Variants in MROH7 observed in about 807,000 individuals in gnomAD.
MROH7 encodes the protein maestro heat like repeat family member 7, also known as maestro heat-like repeat-containing protein family member 7.
Under a neutral mutation model 129.2 loss-of-function variants are expected in MROH7, and 113 were observed. That is an observed-to-expected ratio of 0.87 (90% confidence interval 0.75 to 1.02). The LOEUF is 1.02. MROH7 is among the 50% of genes least tolerant of loss of function. The probability of loss-of-function intolerance (pLI) is 0.00; values close to 1 mark genes in which losing one functional copy is unlikely to be tolerated. For missense variants in MROH7, 1,601 were observed against 1,671.3 expected (o/e 0.96, Z 0.73); for synonymous variants, 655 against 667.9 (o/e 0.98, Z 0.30).
At chr1:54,690,709 C>T (rs1466234057) in intron 15 of MROH7, among the ~76,000 whole-genome samples, 1 of 152,194 alleles carries the variant, frequency 6.6e-6, no homozygotes, top group African/African-American at 2.4e-5. Flanking sequence ...ACCCAAAGTG[C>T]TGGGATTACA....
At chr1:54,666,634 G>A (rs1174400276) in intron 4 of MROH7, among the ~76,000 whole-genome samples, 2 of 151,230 alleles carry the variant, frequency 1.3e-5, no homozygotes, top group African/African-American at 4.9e-5. Context: ...TTGCCTAGAG[G>A]TGAGGTCTCA....
intron 1 of MROH7, among the ~76,000 whole-genome samples, chr1:54,644,030 C>G (rs1644425732): frequency 6.6e-6 from 1 of 151,980 alleles, no homozygotes; most frequent in African/African-American, 2.4e-5. Context: ...TGTGTTTTGG[C>G]ATGGATTCCT....
intron 3 of MROH7, among the ~76,000 whole-genome samples, chr1:54,661,794 C>T (rs1174767004): frequency 6.6e-6 from 1 of 152,058 alleles, no homozygotes; most frequent in Admixed American, 6.5e-5. Context: ...CGGAGTTTCG[C>T]CACATTGGCT....
intron 1 of MROH7, among the ~76,000 whole-genome samples, chr1:54,642,558 T>A (rs1644404551): frequency 6.6e-6 from 1 of 152,170 alleles, no homozygotes; most frequent in African/African-American, 2.4e-5. Flanking sequence ...AAACTGTGGG[T>A]TGAAGAAACA....
intron 15 of MROH7, among the ~76,000 whole-genome samples, chr1:54,690,674 A>G (rs955580150): frequency 6.6e-6 from 1 of 152,068 alleles, no homozygotes; most frequent in African/African-American, 2.4e-5. Flanking sequence ...CGATCTCCTG[A>G]CCTCGTGATC....
intron 3 of MROH7, chr1:54,663,670 G>A (rs1357737994): frequency 5.3e-5 from 20 of 380,450 alleles, no homozygotes; most frequent in East Asian, 3.0e-4. Context: ...CACCGTGCCC[G>A]GCCCCCATCA....
At chr1:54,696,479 G>A (rs1045894788) in intron 17 of MROH7, among the ~76,000 whole-genome samples, 7 of 151,756 alleles carry the variant, frequency 4.6e-5, no homozygotes, top group African/African-American at 1.2e-4. Context: ...CAAACTCCCC[G>A]TTCCATTCCC....
chr1:54,690,804 C>A (rs1645225101), intron 15 of MROH7, among the ~76,000 whole-genome samples: 1 of 152,172 alleles, frequency 6.6e-6, no homozygotes, highest in Admixed American at 6.5e-5. Context: ...ACTGGGAGGA[C>A]TGGCCAAGCC....
chr1:54,679,617 T>C (rs1569932655), intron 12 of MROH7, among the ~76,000 whole-genome samples, 178 bp downstream of exon 12: 1 of 151,962 alleles, frequency 6.6e-6, no homozygotes, highest in Non-Finnish European at 1.5e-5. Context: ...ACCTTGAAGG[T>C]TTTCTCTTAC....
chr1:54,701,145 C>T lies in MROH7; in HGVS notation c.3108C>T (p.Thr1036=), dbSNP rs780682405. ...LVILARRSEK[T]AKVKALLPSM... ...TCCCAAATGCTCCTGCCCCACAGAC[C>T]GCCAAGGTGAAGGCCCTCCTGCCCT... Residue 1036 remains threonine, a splice_region_variant and synonymous_variant, in exon 19 of 24, where the codon ACC becomes ACT. Coordinates refer to ENST00000421030, the MANE Select transcript of MROH7 (RefSeq NM_001039464.4). 14 of 1,613,322 alleles carry T rather than the reference C, an allele frequency of 8.7e-6. No homozygotes were observed. The highest frequency in any genetic ancestry group is 2.2e-5 in the East Asian group (1 of 44,906).
chr1:54,653,404 A>C lies in MROH7; in HGVS notation c.478A>C (p.Ile160Leu), dbSNP rs1644589902. The change falls in exon 3 of 24, where the codon ATT (isoleucine) becomes CTT (leucine). Residue 160 changes from isoleucine (I) to leucine (L), a missense_variant. Coordinates refer to ENST00000421030, the MANE Select transcript of MROH7 (RefSeq NM_001039464.4). The part of the protein sequence containing the change: ...EDAFKCLSSK[I>L]FKLGQRNSNP... ...TGCCTTCAAGTGCCTCTCAAGTAAG[A>C]TTTTCAAGTTGGGTCAGAGAAACTC... The C allele has an allele frequency of 6.2e-7, 1 of 1,614,044 alleles. No individual in the cohort carries two copies. The highest frequency in any genetic ancestry group is 1.7e-5 in the Admixed American group (1 of 60,002).
At chr1:54,679,799 T>C (rs1447207755) in intron 12 of MROH7, 92 bp from the exon 13 acceptor site, 9 of 1,277,458 alleles carry the variant, frequency 7.0e-6, no homozygotes, top group Non-Finnish European at 8.8e-6. Flanking sequence ...TCCTCTAGCC[T>C]GTCACCCCCT....
chr1:54,670,472 G>C, intron 5 of MROH7, 25 bp from the exon 6 acceptor site: 1 of 1,609,782 alleles, frequency 6.2e-7, no homozygotes, highest in Non-Finnish European at 8.5e-7. Flanking sequence ...TGTCCTCATC[G>C]GCCCTTCTGT....
intron 3 of MROH7, among the ~76,000 whole-genome samples, chr1:54,657,939 G>A (rs1557695063): frequency 6.6e-6 from 1 of 152,128 alleles, no homozygotes. Context: ...GAGATTACAG[G>A]TGTGAGCCAC....
chr1:54,648,336 T>TTTTATTTATTTATTTATTTA, intron 1 of MROH7, among the ~76,000 whole-genome samples: 1 of 142,156 alleles, frequency 7.0e-6, no homozygotes, highest in Admixed American at 7.1e-5. Context: ...TTGCATGCAA[T>TTTTATTTATTTATTTATTTA]TTTATTTATT....
chr1:54,674,230 G>A (rs1644948435), intron 10 of MROH7, 79 bp downstream of exon 10: 3 of 1,518,816 alleles, frequency 2.0e-6, no homozygotes, highest in African/African-American at 2.8e-5. Context: ...ATCAGCTGGA[G>A]CCTTGGCATT....
intron 17 of MROH7, chr1:54,699,979 AGTT>A: frequency 1.6e-6 from 1 of 620,350 alleles, no homozygotes; most frequent in South Asian, 1.9e-5. Flanking sequence ...CAGCCTGGGT[AGTT>A]CAGAGAACAG....
chr1:54,702,229 ACTCCAAGG>A lies in MROH7; in HGVS notation c.3426_3433del (p.Ser1143LysfsTer25), dbSNP rs760076903. The A allele has an allele frequency of 1.4e-5, 22 of 1,554,758 alleles. No individual in the cohort carries two copies. The highest frequency in any genetic ancestry group is 2.7e-5 in the African/African-American group (2 of 73,326). On this transcript the variant is annotated frameshift_variant, in exon 20 of 24. Transcript: ENST00000421030. LOFTEE classifies it high-confidence loss of function. ...CTACTGCTGACCATGCAGGAGGGCA[ACTCCAAGG>A]TAAGCCAGGTGAGTGTGCGTGGGCC...
At chr1:54,698,679 G>C (rs983605006) in intron 17 of MROH7, 1 of 152,390 alleles carries the variant, frequency 6.6e-6, no homozygotes, top group Non-Finnish European at 1.5e-5. Flanking sequence ...GGGGAGAGGA[G>C]GGGGATAAGG....
Sources: allele counts gnomAD v4.1 joint callset (sites outside exome capture counted in the v4.1 genomes callset), GRCh38; gene constraint gnomAD v4.1.1; transcripts MANE v1.5; gene names NCBI Gene and HGNC (gene_info 2026-07-23, HGNC 2026-07-21).